The following SLC9A9 variants were observed in gnomAD, a reference collection of about 807,000 sequenced individuals.
The protein encoded by SLC9A9 is solute carrier family 9 member A9.
SLC9A9 carries 62 observed loss-of-function variants against 77.8 expected under a neutral mutation model. The ratio of observed to expected loss-of-function variants is 0.80; its 90% CI spans 0.65 to 0.98. The LOEUF (loss-of-function observed/expected upper bound fraction) is 0.98. Ranked by LOEUF, SLC9A9 falls within the 50% of genes least tolerant of loss-of-function variation. The pLI is 0.00. For missense variants in SLC9A9, 775 were observed against 774.9 expected (o/e 1.00, Z 0.00); for synonymous variants, 320 against 283.5 (o/e 1.13, Z -1.29).
At chr3:143,823,288 T>C (rs2009216564) in intron 2 of SLC9A9, among the ~76,000 whole-genome samples, 1 of 152,116 alleles carries the variant, frequency 6.6e-6, no homozygotes, top group South Asian at 2.1e-4. Flanking sequence ...AAATATTAAC[T>C]TACAACTCAG....
chr3:143,643,911 G>A (rs1037702062), intron 6 of SLC9A9, among the ~76,000 whole-genome samples: 1 of 146,734 alleles, frequency 6.8e-6, no homozygotes, highest in Non-Finnish European at 1.5e-5. Flanking sequence ...GATACAAGCA[G>A]AGGCAAACAG....
chr3:143,450,155 T>C (rs1341822691), intron 12 of SLC9A9, among the ~76,000 whole-genome samples: 1 of 130,370 alleles, frequency 7.7e-6, no homozygotes, highest in African/African-American at 2.8e-5. Flanking sequence ...TAATATATAT[T>C]ATATAATATA....
chr3:143,645,055 G>C (rs959526845), intron 6 of SLC9A9, among the ~76,000 whole-genome samples: 24 of 152,122 alleles, frequency 1.6e-4, no homozygotes, highest in Admixed American at 2.0e-4. Context: ...TTCTAACAAG[G>C]CTTTTCAAAT....
chr3:143,450,032 T>C (rs11707755), intron 12 of SLC9A9, among the ~76,000 whole-genome samples: 1 of 109,770 alleles, frequency 9.1e-6, no homozygotes, highest in African/African-American at 3.7e-5. Context: ...ATAATATATA[T>C]ACATATATGT....
intron 6 of SLC9A9, 106 bp downstream of exon 6, chr3:143,652,149 G>GA: frequency 2.2e-6 from 2 of 924,370 alleles, no homozygotes; most frequent in Non-Finnish European, 3.4e-6. Context: ...ACAATTCCTT[G>GA]AAAAAAGCTA....
intron 14 of SLC9A9, among the ~76,000 whole-genome samples, chr3:143,294,576 A>C (rs1213546691): frequency 6.6e-6 from 1 of 152,254 alleles, no homozygotes; most frequent in Non-Finnish European, 1.5e-5. Context: ...GCAAGAAAAT[A>C]CATTTATAGA....
chr3:143,732,676 A>G (rs1934837086), intron 4 of SLC9A9, among the ~76,000 whole-genome samples: 1 of 152,160 alleles, frequency 6.6e-6, no homozygotes, highest in African/African-American at 2.4e-5. Context: ...TCCACCCTTC[A>G]GTAGAGTCCA....
chr3:143,314,614 T>G (rs745701578), intron 14 of SLC9A9, among the ~76,000 whole-genome samples: 2 of 152,226 alleles, frequency 1.3e-5, no homozygotes, highest in Non-Finnish European at 2.9e-5. Flanking sequence ...GTAAAGAAGT[T>G]TCTCCAGCTG....
rs9848371 is a variant in SLC9A9 at position 143,295,637 on chromosome 3, T to C, written c.1605-26657A>G. 2.7e-3 allele frequency among the ~76,000 whole-genome samples: 407 copies of C among 152,132 alleles called. 3 individuals carry two copies. Among genetic ancestry groups the C allele is most frequent in the African/African-American group, 9.5e-3 (394 of 41,468 alleles). ...TATCACGAACCCACAGAGGATGTCA[T>C]TAACTGACAATGAGCCTTCAACCTC... On this transcript the variant is annotated intron_variant, in intron 14 of 15. Coordinates refer to ENST00000316549, the MANE Select transcript of SLC9A9 (RefSeq NM_173653.4).
At chr3:143,632,560 T>C (rs887269928) in intron 6 of SLC9A9, among the ~76,000 whole-genome samples, 3 of 152,174 alleles carry the variant, frequency 2.0e-5, no homozygotes, top group African/African-American at 7.2e-5. Context: ...CCAAAATTCT[T>C]AGATCTTCCA....
Position 143,523,239 on chromosome 3 carries a change from CA to C in SLC9A9, c.1090-27792del, listed in dbSNP as rs571780580. Among the ~76,000 whole-genome samples, 481 of 152,114 alleles carry C rather than the reference CA, an allele frequency of 3.2e-3. 1 individual carries two copies. Among genetic ancestry groups the C allele is most frequent in the African/African-American group, 0.011 (447 of 41,512 alleles). On this transcript the variant is annotated intron_variant, in intron 9 of 15. Transcript: ENST00000316549. Reference sequence around the variant, plus strand: ...ATTATTATTATTGTTATTATTTTTACAAAACAATGCTTAGCTTTGCTTTCAA... The same window carrying C: ...ATTATTATTATTGTTATTATTTTTACAAACAATGCTTAGCTTTGCTTTCAA...
At chr3:143,478,874 T>A (rs1296263876) in intron 11 of SLC9A9, among the ~76,000 whole-genome samples, 1 of 152,196 alleles carries the variant, frequency 6.6e-6, no homozygotes, top group African/African-American at 2.4e-5. Context: ...ACAGGGAAAA[T>A]AATGTAGTCT....
intron 6 of SLC9A9, among the ~76,000 whole-genome samples, chr3:143,623,521 AT>A (rs1289214893): frequency 6.6e-6 from 1 of 152,242 alleles, no homozygotes; most frequent in Non-Finnish European, 1.5e-5. Context: ...ACTACTGGGT[AT>A]GTAATGAAAT....
intron 1 of SLC9A9, among the ~76,000 whole-genome samples, chr3:143,845,014 G>A (rs548969120): frequency 6.6e-6 from 1 of 152,044 alleles, no homozygotes; most frequent in East Asian, 1.9e-4. Context: ...AGACCTCCTG[G>A]AAAAGAGAAT....
At chr3:143,405,682 A>G (rs1360696932) in intron 12 of SLC9A9, among the ~76,000 whole-genome samples, 1 of 152,184 alleles carries the variant, frequency 6.6e-6, no homozygotes, top group African/African-American at 2.4e-5. Context: ...GTGGGATGGG[A>G]AACACTAGTG....
At chr3:143,347,852 G>C (rs1052851459) in intron 14 of SLC9A9, among the ~76,000 whole-genome samples, 1 of 152,040 alleles carries the variant, frequency 6.6e-6, no homozygotes, top group Non-Finnish European at 1.5e-5. Context: ...TGATACGGGG[G>C]ATGCCATTAG....
intron 14 of SLC9A9, among the ~76,000 whole-genome samples, chr3:143,305,841 C>T (rs925023707): frequency 6.6e-6 from 1 of 152,216 alleles, no homozygotes; most frequent in Non-Finnish European, 1.5e-5. Context: ...AGTTACAGAA[C>T]TGTCTCCTCA....
At chr3:143,672,533 C>G in intron 5 of SLC9A9, among the ~76,000 whole-genome samples, 1 of 152,108 alleles carries the variant, frequency 6.6e-6, no homozygotes. Flanking sequence ...AATATTTAAA[C>G]CTGGAGTTCC....
chr3:143,808,652 G>C (rs1390955022), intron 2 of SLC9A9, among the ~76,000 whole-genome samples: 1 of 152,144 alleles, frequency 6.6e-6, no homozygotes, highest in Non-Finnish European at 1.5e-5. Context: ...ACTATTTGGA[G>C]TAGTGTTTAA....
Sources: gnomAD v4.1 joint callset for allele counts (sites outside exome capture counted in the v4.1 genomes callset) on GRCh38, gnomAD v4.1.1 for gene constraint, MANE v1.5 for transcripts, NCBI Gene and HGNC (gene_info 2026-07-23, HGNC 2026-07-21) for gene names.